DMD: variants seen among roughly 807,000 people sequenced by gnomAD.
DMD encodes dystrophin, also known as mutant dystrophin.
DMD carries 63 observed loss-of-function variants against 330.1 expected under a neutral mutation model. The ratio of observed to expected loss-of-function variants is 0.19; its 90% CI spans 0.16 to 0.24. DMD has a LOEUF of 0.24. Among genes scored for constraint, DMD ranks in the 10% least tolerant of loss-of-function variants. DMD has a pLI of 1.00. For missense variants in DMD, 3,344 were observed against 2,684.1 expected (o/e 1.25, Z -5.43); for synonymous variants, 1,223 against 959.8 (o/e 1.27, Z -5.07).
chrX:32,349,134 T>C (rs1261829877), intron 37 of DMD, among the ~76,000 whole-genome samples: 1 of 111,666 alleles, frequency 9.0e-6, no homozygotes, highest in African/African-American at 3.2e-5. Context: ...AAAGAATCTA[T>C]GCTTTTCAAC....
At chrX:31,404,016 C>T (rs1025402638) in intron 60 of DMD, among the ~76,000 whole-genome samples, 1 of 110,303 alleles carries the variant, frequency 9.1e-6, no homozygotes, top group African/African-American at 3.3e-5. Context: ...GAATTTCTCC[C>T]TCCCTTCCTA....
intron 52 of DMD, among the ~76,000 whole-genome samples, chrX:31,686,968 G>A (rs1422213439): frequency 1.8e-5 from 2 of 111,576 alleles, no homozygotes; most frequent in African/African-American, 6.5e-5. Flanking sequence ...TTGCATCTTG[G>A]ATACCAGCTC....
rs1057523223 is a variant in DMD, at chrX:32,565,805, G to T, written c.1889C>A (p.Thr630Lys). ...LYSLKQDLLS[T>K]LKNKSVTQKT... ...CTGGGTCACTGACTTATTCTTCAGT[G>T]TTGAAAGAAGATCTTGTTTGAGTGA... The change falls in exon 16 of 79, where the codon ACA (threonine) becomes AAA (lysine). Residue 630 changes from threonine (T) to lysine (K), a missense_variant. Transcript: ENST00000357033. The T allele has an allele frequency of 3.3e-6, 4 of 1,210,906 alleles. No homozygotes were observed. The highest frequency in any genetic ancestry group is 4.5e-6 in the Non-Finnish European group (4 of 894,810).
intron 29 of DMD, among the ~76,000 whole-genome samples, chrX:32,425,875 A>G (rs971526497): frequency 1.8e-5 from 2 of 112,003 alleles, no homozygotes; most frequent in Non-Finnish European, 3.8e-5. Flanking sequence ...AGCCGACAAA[A>G]GCAAGCAATG....
intron 60 of DMD, among the ~76,000 whole-genome samples, chrX:31,428,870 C>T (rs778177506): frequency 3.6e-5 from 4 of 112,058 alleles, no homozygotes; most frequent in African/African-American, 6.5e-5. Flanking sequence ...TGCCTGTAAT[C>T]CCAGCACTTG....
At chrX:31,367,511 T>A (rs1023427218) in intron 60 of DMD, among the ~76,000 whole-genome samples, 4 of 111,768 alleles carry the variant, frequency 3.6e-5, no homozygotes, top group Non-Finnish European at 7.5e-5. Context: ...CTGACTTCTA[T>A]GTAATGAGAA....
At chrX:32,463,396 T>C in intron 25 of DMD, 43 bp downstream of exon 25, 5 of 1,130,153 alleles carry the variant, frequency 4.4e-6, no homozygotes, top group Non-Finnish European at 3.6e-6. Context: ...AAATCTTAGT[T>C]AAGTACGTTG....
At chrX:33,093,717 G>A in intron 1 of DMD, among the ~76,000 whole-genome samples, 1 of 111,340 alleles carries the variant, frequency 9.0e-6, no homozygotes, top group African/African-American at 3.3e-5. Context: ...TTGAAACGGT[G>A]TAAAACAGGA....
chrX:32,684,254 C>T (rs778740346), intron 9 of DMD, among the ~76,000 whole-genome samples: 10 of 111,320 alleles, frequency 9.0e-5, no homozygotes, highest in Non-Finnish European at 1.5e-4. Context: ...TATATGCACA[C>T]GTAACACACA....
chrX:32,798,523 A>C (rs1279847961), intron 7 of DMD, among the ~76,000 whole-genome samples: 2 of 112,568 alleles, frequency 1.8e-5, no homozygotes, highest in Non-Finnish European at 3.8e-5. Flanking sequence ...CTGAATGTTA[A>C]TATAATCATC....
At chrX:32,073,162 A>C (rs2096314214) in intron 44 of DMD, among the ~76,000 whole-genome samples, 1 of 111,526 alleles carries the variant, frequency 9.0e-6, no homozygotes, top group South Asian at 3.7e-4. Flanking sequence ...AAAAAGCAAC[A>C]CTCTTAGCTC....
intron 17 of DMD, among the ~76,000 whole-genome samples, chrX:32,524,143 C>T (rs1423399244): frequency 9.1e-6 from 1 of 109,938 alleles, no homozygotes; most frequent in African/African-American, 3.3e-5. Context: ...ACCGTGTTAG[C>T]CAGGATGGTC....
rs139276508 is a variant in DMD, at chrX:31,704,624, C to T, written c.7660+25007G>A. ...TACTATTTGCAGCCAAGGGAAGATC[C>T]TATCCTTTTAAAACATATAAAACTA... On this transcript the variant is annotated intron_variant, in intron 52 of 78. Coordinates refer to ENST00000357033, the MANE Select transcript of DMD (RefSeq NM_004006.3). Among the ~76,000 whole-genome samples, 730 of 111,546 alleles carry T rather than the reference C, an allele frequency of 6.5e-3. 3 individuals are homozygous for T. Among genetic ancestry groups the T allele is most frequent in the African/African-American group, 0.023 (695 of 30,769 alleles).
intron 60 of DMD, among the ~76,000 whole-genome samples, chrX:31,404,482 T>C (rs773894730): frequency 7.5e-4 from 84 of 111,638 alleles, no homozygotes; most frequent in African/African-American, 2.5e-3. Context: ...ATTCTGCAAA[T>C]TTGAACATGG....
chrX:33,315,373 G>A (rs988834016), intron 1 of DMD, among the ~76,000 whole-genome samples: 1 of 111,944 alleles, frequency 8.9e-6, no homozygotes, highest in African/African-American at 3.2e-5. Flanking sequence ...CAGCTTTTAG[G>A]TTACACTGTA....
intron 55 of DMD, among the ~76,000 whole-genome samples, chrX:31,591,547 T>G (rs2076871454): frequency 9.0e-6 from 1 of 111,407 alleles, no homozygotes; most frequent in South Asian, 3.7e-4. Flanking sequence ...AAGATGAGCA[T>G]TTTTGTGATT....
intron 11 of DMD, among the ~76,000 whole-genome samples, chrX:32,632,601 T>C (rs1569348800): frequency 1.8e-5 from 2 of 112,371 alleles, no homozygotes; most frequent in Non-Finnish European, 3.8e-5. Flanking sequence ...TAGATGGATG[T>C]TCCCAAGCCT....
chrX:33,200,363 T>G (rs1411705287), intron 1 of DMD, among the ~76,000 whole-genome samples: 1 of 111,316 alleles, frequency 9.0e-6, no homozygotes, highest in Non-Finnish European at 1.9e-5. Flanking sequence ...CCAAAAACTT[T>G]CATACGTAAA....
intron 48 of DMD, among the ~76,000 whole-genome samples, chrX:31,871,681 T>C (rs1263340079): frequency 9.1e-6 from 1 of 109,639 alleles, no homozygotes; most frequent in Non-Finnish European, 1.9e-5. Context: ...GCATTAACTC[T>C]TTCTTAAGAT....
Sources: gnomAD v4.1 joint callset for allele counts (sites outside exome capture counted in the v4.1 genomes callset) on GRCh38, gnomAD v4.1.1 for gene constraint, MANE v1.5 for transcripts, NCBI Gene and HGNC (gene_info 2026-07-23, HGNC 2026-07-21) for gene names.